The following GRAMD1B variants were observed in gnomAD, a reference collection of about 807,000 sequenced individuals.
The protein encoded by GRAMD1B is protein Aster-B.
Under a neutral mutation model 99.7 loss-of-function variants are expected in GRAMD1B, and 37 were observed. The ratio of observed to expected loss-of-function variants is 0.37; its 90% CI spans 0.29 to 0.49. GRAMD1B has a LOEUF of 0.49. Among genes scored for constraint, GRAMD1B ranks in the 20% least tolerant of loss-of-function variants. The pLI, the probability that GRAMD1B is intolerant of heterozygous loss-of-function variation, is 0.98. For missense variants in GRAMD1B, 888 were observed against 1,009.2 expected, an observed-to-expected ratio of 0.88 and a Z score of 1.63; for synonymous variants, 427 against 387.6, an observed-to-expected ratio of 1.10 and a Z score of -1.19.
At chr11:123,526,793 G>C (rs79549397) in intron 2 of GRAMD1B, among the ~76,000 whole-genome samples, 2,275 of 152,312 alleles carry the variant, frequency 0.015, 49 homozygotes, top group African/African-American at 0.052. Context: ...GACATTAAAG[G>C]CATCTCTCGC....
intron 2 of GRAMD1B, among the ~76,000 whole-genome samples, chr11:123,485,030 A>G (rs549178635): frequency 1.3e-5 from 2 of 152,268 alleles, no homozygotes; most frequent in South Asian, 4.1e-4. Context: ...CATTTCCTGC[A>G]CTGGTGAGGC....
At chr11:123,617,169 C>CTTTTTTTTTTTTTTTTTT (rs34788392) in intron 17 of GRAMD1B, among the ~76,000 whole-genome samples, 11 of 133,646 alleles carry the variant, frequency 8.2e-5, no homozygotes, top group Non-Finnish European at 1.3e-4. Flanking sequence ...TCTTTCTTTC[C>CTTTTTTTTTTTTTTTTTT]TTTTTTTTTT....
At chr11:123,560,065 AC>A (rs5795378) in intron 2 of GRAMD1B, among the ~76,000 whole-genome samples, 15,451 of 133,164 alleles carry the variant, frequency 0.12, 890 homozygotes, top group African/African-American at 0.16. Flanking sequence ...AGAGGAAATA[AC>A]CCCCCCCCCC....
intron 1 of GRAMD1B, among the ~76,000 whole-genome samples, chr11:123,476,912 C>T (rs933067564): frequency 1.3e-5 from 2 of 152,182 alleles, no homozygotes; most frequent in African/African-American, 2.4e-5. Context: ...GTTCCCATAG[C>T]ACTTAATACA....
intron 2 of GRAMD1B, among the ~76,000 whole-genome samples, chr11:123,507,877 TAA>T (rs1372508154): frequency 1.3e-5 from 2 of 152,238 alleles, no homozygotes; most frequent in African/African-American, 4.8e-5. Context: ...AGGAAAATGT[TAA>T]GAGGTTGGAA....
chr11:123,479,389 A>G (rs1469240898), intron 1 of GRAMD1B, among the ~76,000 whole-genome samples: 2 of 152,188 alleles, frequency 1.3e-5, no homozygotes, highest in African/African-American at 4.8e-5. Flanking sequence ...GCTCGGCAAG[A>G]TTGTCCAGTG....
chr11:123,590,312 A>T (rs937889725), intron 4 of GRAMD1B, among the ~76,000 whole-genome samples: 5 of 152,142 alleles, frequency 3.3e-5, no homozygotes, highest in Non-Finnish European at 5.9e-5. Flanking sequence ...AAGTTGGCGG[A>T]TGGATGGGTT....
chr11:123,515,046 G>A (rs1591779668), intron 2 of GRAMD1B, among the ~76,000 whole-genome samples: 1 of 152,174 alleles, frequency 6.6e-6, no homozygotes, highest in South Asian at 2.1e-4. Context: ...GCAGGTGAAC[G>A]TTGACAGCAA....
chr11:123,491,995 T>C (rs1938605140), intron 2 of GRAMD1B: 1 of 398,798 alleles, frequency 2.5e-6, no homozygotes, highest in Admixed American at 4.4e-5. Context: ...AGGTTTGGGA[T>C]TGCCTGGGTT....
chr11:123,515,200 A>G (rs1045029348), intron 2 of GRAMD1B, among the ~76,000 whole-genome samples: 13 of 152,166 alleles, frequency 8.5e-5, no homozygotes, highest in African/African-American at 3.1e-4. Context: ...GATTGATACA[A>G]GACGTCAGAG....
Position 123,415,015 on chromosome 11 carries a change from G to A in GRAMD1B, c.-176+56216G>A, listed in dbSNP as rs184901615. On this transcript the variant is annotated intron_variant, in intron 1 of 20. Coordinates refer to the GRAMD1B transcript ENST00000638157. ...TTCAGAATGGCCTACTGGCGTCTTG[G>A]AGAAGCAGGTTTGTATGAAAGGCCC... Among the ~76,000 whole-genome samples, 237 of 151,888 alleles carry A rather than the reference G, an allele frequency of 1.6e-3. 1 individual carries two copies. Among genetic ancestry groups the A allele is most frequent in the African/African-American group, 5.1e-3 (211 of 41,416 alleles).
chr11:123,539,492 C>A (rs1473495634), intron 2 of GRAMD1B, among the ~76,000 whole-genome samples: 1 of 152,064 alleles, frequency 6.6e-6, no homozygotes, highest in African/African-American at 2.4e-5. Flanking sequence ...TGTCCTAGCT[C>A]CTCAGGAGGC....
At chr11:123,499,977 C>T (rs564897985) in intron 2 of GRAMD1B, among the ~76,000 whole-genome samples, 2 of 152,260 alleles carry the variant, frequency 1.3e-5, no homozygotes, top group Admixed American at 6.5e-5. Flanking sequence ...GTGTTTCCTT[C>T]TTCTGGGCAT....
chr11:123,413,108 G>A (rs1407507931), intron 1 of GRAMD1B, among the ~76,000 whole-genome samples: 1 of 152,124 alleles, frequency 6.6e-6, no homozygotes, highest in Non-Finnish European at 1.5e-5. Flanking sequence ...CTTTACAAGT[G>A]CTGCACTTAG....
In GRAMD1B at chr11:123,624,209, CCCCAGATGT is replaced by C. The variant is rs1178441872; in HGVS notation, c.*1630_*1638del. 7 of 152,184 alleles carry C rather than the reference CCCCAGATGT, an allele frequency of 4.6e-5. No homozygotes were observed. The highest frequency in any genetic ancestry group is 2.1e-4 in the South Asian group (1 of 4,828). The allele number at this position is 152,184 out of a possible 1,614,324, so 9.4% of individuals were successfully genotyped here. ...CTTCTTGACACAGGGGCAGAAGAAA[CCCCAGATGT>C]CCCAGATGTCCCAGAACATCAGCCC... On this transcript the variant is annotated 3_prime_UTR_variant, in exon 20 of 20. Transcript: ENST00000635736.
rs1474912863 is a variant in GRAMD1B, at chr11:123,625,541, C to T, written c.*2946C>T. The stretch of plus-strand genomic sequence containing the variant: ...GGGGACAAGAGGATTACATCTCAGG[C>T]CAGCAAGATCAGCTGCTTGAAGCTC... On this transcript the variant is annotated 3_prime_UTR_variant, in exon 20 of 20. Transcript: ENST00000635736. 6.6e-6 allele frequency: 1 copy of T among 152,176 alleles called. No individual in the cohort carries two copies. The allele number at this position is 152,176 out of a possible 1,614,324, so 9.4% of individuals were successfully genotyped here. A position where few individuals can be genotyped will look rare whatever the true frequency, so the allele number is the denominator to read the frequency against.
chr11:123,618,357 G>A (rs367821522), intron 17 of GRAMD1B: 15 of 1,612,390 alleles, frequency 9.3e-6, no homozygotes, highest in African/African-American at 1.3e-5. Flanking sequence ...TCTGTTTCAG[G>A]TACTGGCTCT....
At chr11:123,466,035 T>C (rs1358828123) in intron 1 of GRAMD1B, among the ~76,000 whole-genome samples, 1 of 151,716 alleles carries the variant, frequency 6.6e-6, no homozygotes, top group Non-Finnish European at 1.5e-5. Flanking sequence ...CAGCACTTTG[T>C]GGGGCCTACG....
At chr11:123,589,827 T>C (rs1950469630) in intron 4 of GRAMD1B, among the ~76,000 whole-genome samples, 1 of 152,074 alleles carries the variant, frequency 6.6e-6, no homozygotes, top group Admixed American at 6.5e-5. Context: ...TGGGGGCTGC[T>C]GTATTAAATT....
Sources: gnomAD v4.1 joint callset for allele counts (sites outside exome capture counted in the v4.1 genomes callset) on GRCh38, gnomAD v4.1.1 for gene constraint, MANE v1.5 for transcripts, NCBI Gene and HGNC (gene_info 2026-07-23, HGNC 2026-07-21) for gene names.